CLNK: variants seen among roughly 807,000 people sequenced by gnomAD.
CLNK encodes cytokine dependent hematopoietic cell linker, also known as cytokine-dependent hematopoietic cell linker.
Under a neutral mutation model 68.6 loss-of-function variants are expected in CLNK, and 74 were observed. The observed-to-expected ratio is 1.08, with a 90% CI of 0.89 to 1.31. The LOEUF (loss-of-function observed/expected upper bound fraction) is 1.31, where lower values mean the gene tolerates loss of function less well. CLNK is among the 50% of genes most tolerant of loss of function. CLNK has a pLI of 0.00. For missense variants in CLNK, 553 were observed against 515.3 expected, an observed-to-expected ratio of 1.07 and a Z score of -0.71; for synonymous variants, 198 against 172.2, an observed-to-expected ratio of 1.15 and a Z score of -1.17.
In CLNK at chr4:10,654,884, C is replaced by G. The variant is rs555260230; in HGVS notation, c.11+12975G>C. ...TTGGGAGGCCGAGGCGGGCGGATCA[C>G]TAGGTCAGGAGATCGAGATCATCCT... On this transcript the variant is annotated intron_variant, in intron 2 of 18. Coordinates refer to ENST00000226951, the MANE Select transcript of CLNK (RefSeq NM_052964.4). Among the ~76,000 whole-genome samples the G allele has an allele frequency of 5.3e-5, 8 of 152,188 alleles. No homozygotes were observed. The East Asian group carries it at 1.5e-3, about 29-fold the overall frequency.
At chr4:10,621,035 G>T (rs567082523) in intron 2 of CLNK, among the ~76,000 whole-genome samples, 2 of 152,024 alleles carry the variant, frequency 1.3e-5, no homozygotes, top group Non-Finnish European at 2.9e-5. Flanking sequence ...GCGTGAACCC[G>T]GGAGACAGAG....
At chr4:10,629,227 C>A (rs1722793538) in intron 2 of CLNK, among the ~76,000 whole-genome samples, 1 of 152,200 alleles carries the variant, frequency 6.6e-6, no homozygotes, top group Non-Finnish European at 1.5e-5. Flanking sequence ...GTGTTTTCTC[C>A]AATTAATCTG....
chr4:10,652,381 C>CAAAAAAAA (rs67304153), intron 2 of CLNK, among the ~76,000 whole-genome samples: 1 of 50,726 alleles, frequency 2.0e-5, no homozygotes, highest in Non-Finnish European at 3.4e-5. Flanking sequence ...GACTCTGTCT[C>CAAAAAAAA]AAAAAAAAAA....
intron 3 of CLNK, among the ~76,000 whole-genome samples, chr4:10,585,579 C>T (rs1211502254): frequency 6.6e-6 from 1 of 152,204 alleles, no homozygotes; most frequent in Non-Finnish European, 1.5e-5. Context: ...GCTGGGAAGG[C>T]CACCTGATTC....
chr4:10,677,906 A>T (rs1016258172), intron 1 of CLNK, among the ~76,000 whole-genome samples: 2 of 152,062 alleles, frequency 1.3e-5, no homozygotes, highest in African/African-American at 4.8e-5. Context: ...ATTTTGTTTA[A>T]TTTAGTTTCC....
At chr4:10,610,183 A>G (rs774641173) in intron 2 of CLNK, among the ~76,000 whole-genome samples, 34 of 148,988 alleles carry the variant, frequency 2.3e-4, no homozygotes, top group Non-Finnish European at 4.0e-4. Flanking sequence ...CAGCCTCCCG[A>G]GTAGCTGGGA....
chr4:10,648,619 T>A (rs902423834), intron 2 of CLNK, among the ~76,000 whole-genome samples: 3 of 152,190 alleles, frequency 2.0e-5, no homozygotes, highest in Non-Finnish European at 4.4e-5. Context: ...GTATTTCTTT[T>A]TCCGATGAAG....
At chr4:10,615,817 T>C (rs1328756477) in intron 2 of CLNK, among the ~76,000 whole-genome samples, 1 of 152,222 alleles carries the variant, frequency 6.6e-6, no homozygotes, top group African/African-American at 2.4e-5. Context: ...TCAATGGTAG[T>C]GTTCTGGTAA....
At chr4:10,543,131 G>C (rs1188894826) in intron 8 of CLNK, among the ~76,000 whole-genome samples, 1 of 152,130 alleles carries the variant, frequency 6.6e-6, no homozygotes, top group African/African-American at 2.4e-5. Flanking sequence ...TGTTGCCATA[G>C]GCTTTATACC....
At chr4:10,575,931 T>C (rs888765535) in intron 4 of CLNK, among the ~76,000 whole-genome samples, 3 of 152,210 alleles carry the variant, frequency 2.0e-5, no homozygotes, top group Non-Finnish European at 1.5e-5. Context: ...TGTTTCTCCA[T>C]AGCATCTAGG....
chr4:10,664,253 T>C (rs535388521), intron 2 of CLNK, among the ~76,000 whole-genome samples: 1 of 152,178 alleles, frequency 6.6e-6, no homozygotes, highest in Admixed American at 6.5e-5. Flanking sequence ...GAATGATGTC[T>C]GACTATTCTG....
At chr4:10,491,460 AG>A (rs1355688519) in intron 18 of CLNK, among the ~76,000 whole-genome samples, 2 of 152,260 alleles carry the variant, frequency 1.3e-5, no homozygotes, top group African/African-American at 4.8e-5. Context: ...TAGAAAGAAC[AG>A]GGACAACCAC....
chr4:10,588,434 C>T (rs1297753827), intron 3 of CLNK, among the ~76,000 whole-genome samples: 1 of 152,170 alleles, frequency 6.6e-6, no homozygotes, highest in Non-Finnish European at 1.5e-5. Flanking sequence ...GAGTGGCTAG[C>T]GGGTTGTTCC....
At chr4:10,548,343 A>G (rs971594271) in intron 8 of CLNK, among the ~76,000 whole-genome samples, 1 of 152,122 alleles carries the variant, frequency 6.6e-6, no homozygotes, top group African/African-American at 2.4e-5. Context: ...ACATCTTCCA[A>G]TAAGGTCACT....
intron 1 of CLNK, among the ~76,000 whole-genome samples, chr4:10,678,736 A>G (rs1724969944): frequency 1.3e-5 from 2 of 151,664 alleles, no homozygotes. Context: ...CCAATAACAG[A>G]CAAACAGAGA....
rs950111714 is a variant in CLNK, at chr4:10,528,136, G to A, written c.631-42C>T. On this transcript the variant is annotated intron_variant, in intron 12 of 18. Coordinates refer to ENST00000226951, the MANE Select transcript of CLNK (RefSeq NM_052964.4). ...AAAATAAAATTTACTGACTCTTGATGACAGAGAATTTAATATAACACCATG... is the reference window on the plus strand; with the variant it reads ...AAAATAAAATTTACTGACTCTTGATAACAGAGAATTTAATATAACACCATG... 7.4e-6 allele frequency: 8 copies of A among 1,085,920 alleles called. No individual in the cohort carries two copies. In the South Asian group the frequency reaches 1.7e-4, roughly 22 times the overall value. 67.3% of individuals were successfully genotyped at this position (1,085,920 alleles called of 1,614,324 possible). A position where few individuals can be genotyped will look rare whatever the true frequency, so the allele number is the denominator to read the frequency against.
intron 2 of CLNK, among the ~76,000 whole-genome samples, chr4:10,613,358 G>T (rs1014658577): frequency 6.6e-5 from 10 of 152,278 alleles, no homozygotes; most frequent in African/African-American, 2.4e-4. Context: ...TGGGATAACT[G>T]AAGGAAAAGT....
chr4:10,514,460 A>G (rs2109040082), intron 15 of CLNK, among the ~76,000 whole-genome samples: 1 of 148,658 alleles, frequency 6.7e-6, no homozygotes, highest in East Asian at 2.0e-4. Context: ...ACCTACAACT[A>G]TCTGATCTTT....
At position 10,566,077 on chromosome 4, in the gene CLNK, C is replaced by T. The variant is rs374862123; in HGVS notation, c.224G>A (p.Arg75Gln). The T allele has an allele frequency of 1.5e-5, 25 of 1,613,898 alleles. No individual in the cohort carries two copies. Among genetic ancestry groups the T allele is most frequent in the East Asian group, 2.2e-5 (1 of 44,880 alleles). Reference protein sequence around the residue: ...SDDDYDDPELRMEETWQSIKI... With the variant: ...SDDDYDDPELQMEETWQSIKI... ...AATCGACTGCCATGTCTCTTCCATC[C>T]GAAGCTCAGGGTCATCATAGTCATC... is the stretch of plus-strand genomic sequence containing the variant. The change falls in exon 6 of 19, where the codon CGG becomes CAG. Residue 75 changes from arginine to glutamine, a missense_variant. Arg to Gln is a conservative substitution (Grantham distance 43). Coordinates refer to ENST00000226951, the MANE Select transcript of CLNK (RefSeq NM_052964.4).
Sources: allele counts gnomAD v4.1 joint callset (sites outside exome capture counted in the v4.1 genomes callset), GRCh38; gene constraint gnomAD v4.1.1; transcripts MANE v1.5; gene names NCBI Gene and HGNC (gene_info 2026-07-23, HGNC 2026-07-21).